AKAP7: variants seen among roughly 807,000 people sequenced by gnomAD.
The protein encoded by AKAP7 is A-kinase anchoring protein 7, also known as A kinase (PRKA) anchor protein 7.
AKAP7 carries 39 observed loss-of-function variants against 39.5 expected under a neutral mutation model. That is an observed-to-expected ratio of 0.99 (90% CI 0.76 to 1.29). The LOEUF is 1.29. Among genes scored for constraint, AKAP7 ranks in the 50% most tolerant of loss-of-function variants. The pLI, the probability that AKAP7 is intolerant of heterozygous loss-of-function variation, is 0.00. For synonymous variants in AKAP7, 140 were observed against 139.1 expected (o/e 1.01, Z -0.05); for missense variants, 414 against 407.7 (o/e 1.02, Z -0.13).
At chr6:131,257,548 G>C (rs888799214) in intron 7 of AKAP7, among the ~76,000 whole-genome samples, 1 of 152,004 alleles carries the variant, frequency 6.6e-6, no homozygotes. Flanking sequence ...CCACTTCTTG[G>C]GGTCTTGTCC....
chr6:131,221,353 G>T (rs1046276100), intron 7 of AKAP7, among the ~76,000 whole-genome samples: 2 of 152,212 alleles, frequency 1.3e-5, no homozygotes, highest in Non-Finnish European at 2.9e-5. Flanking sequence ...ACCAGCAGAG[G>T]CTGGTTCATG....
At chr6:131,241,437 C>T (rs9492877) in intron 7 of AKAP7, among the ~76,000 whole-genome samples, 1 of 151,706 alleles carries the variant, frequency 6.6e-6, no homozygotes, top group East Asian at 1.9e-4. Context: ...GTGCCCTACA[C>T]CAATTGGTGG....
rs200934202 is a variant in AKAP7 at position 131,271,386 on chromosome 6, TTTTTG to T, written c.851-10134_851-10130del. On this transcript the variant is annotated intron_variant, in intron 7 of 7. Coordinates refer to ENST00000431975, the MANE Select transcript of AKAP7 (RefSeq NM_016377.4). ...CGTGTGTGAGTCTAGTTGCGGATTT[TTTTTG>T]TTTTGTTTTATTATCTATATGTCTA... 1.4e-4 allele frequency among the ~76,000 whole-genome samples: 22 copies of T among 152,222 alleles called. No homozygotes were observed. In the East Asian group the frequency reaches 1.7e-3, roughly 12 times the overall value.
chr6:131,207,765 TA>T (rs1808272305), intron 6 of AKAP7, among the ~76,000 whole-genome samples: 1 of 151,986 alleles, frequency 6.6e-6, no homozygotes, highest in Non-Finnish European at 1.5e-5. Context: ...TTTTAAAGAA[TA>T]TTCCTTCATT....
chr6:131,129,492 T>C, the AKAP7 span, among the ~76,000 whole-genome samples: 1 of 152,172 alleles, frequency 6.6e-6, no homozygotes, highest in Non-Finnish European at 1.5e-5. Flanking sequence ...GATACAATTA[T>C]AGATAATTTT....
intron 7 of AKAP7, among the ~76,000 whole-genome samples, chr6:131,270,070 TC>T (rs1176314966): frequency 6.6e-6 from 1 of 152,168 alleles, no homozygotes; most frequent in Non-Finnish European, 1.5e-5. Context: ...AAGAAATTGT[TC>T]CCAATATGGT....
intron 7 of AKAP7, among the ~76,000 whole-genome samples, chr6:131,246,386 AT>A (rs1323195865): frequency 6.6e-6 from 1 of 152,236 alleles, no homozygotes. Flanking sequence ...AAAAGAAAGC[AT>A]GGAAAGGTTA....
intron 6 of AKAP7, among the ~76,000 whole-genome samples, chr6:131,213,414 A>G (rs1808859347): frequency 6.6e-6 from 1 of 152,232 alleles, no homozygotes; most frequent in Non-Finnish European, 1.5e-5. Context: ...TTAAGTTGTA[A>G]GTGTATGTGG....
At chr6:131,224,442 T>C (rs1452901284) in intron 7 of AKAP7, among the ~76,000 whole-genome samples, 1 of 152,182 alleles carries the variant, frequency 6.6e-6, no homozygotes, top group Non-Finnish European at 1.5e-5. Context: ...TCTTAAGATA[T>C]TATTCAGAGT....
At chr6:131,150,226 T>C (rs1029524750) in intron 2 of AKAP7, among the ~76,000 whole-genome samples, 2 of 152,188 alleles carry the variant, frequency 1.3e-5, no homozygotes, top group Admixed American at 6.5e-5. Context: ...ATAATTCTTA[T>C]TTTACCTCAC....
intron 7 of AKAP7, chr6:131,250,328 C>G (rs998937527): frequency 1.5e-6 from 2 of 1,313,226 alleles, no homozygotes; most frequent in Non-Finnish European, 2.0e-6. Flanking sequence ...CACTGAATGC[C>G]AGTCCCAGAG....
At chr6:131,235,651 G>A (rs1160389984) in intron 7 of AKAP7, among the ~76,000 whole-genome samples, 14 of 152,158 alleles carry the variant, frequency 9.2e-5, no homozygotes, top group South Asian at 6.2e-4. Flanking sequence ...GCATTTCTCT[G>A]ATGGCCAGTG....
chr6:131,269,162 A>G (rs955577272), intron 7 of AKAP7, among the ~76,000 whole-genome samples: 1 of 152,044 alleles, frequency 6.6e-6, no homozygotes. Flanking sequence ...TCCTGGGTTC[A>G]AGTGATTCTC....
intron 5 of AKAP7, chr6:131,185,389 A>T (rs1279650689): frequency 5.7e-6 from 3 of 526,940 alleles, no homozygotes; most frequent in Non-Finnish European, 1.1e-5. Flanking sequence ...TGCTGTGCTC[A>T]GCACAGAGGT....
Position 131,219,775 on chromosome 6 carries a change from G to C in AKAP7, c.817G>C (p.Gly273Arg). ...CSMLKKKQSNGYYHCESSIVI... is the reference protein window; with the variant it reads ...CSMLKKKQSNRYYHCESSIVI... ...CATGCTGAAGAAAAAACAAAGTAATGGTTATTATCACTGTGAATCTTCCAT... is the reference window on the plus strand; with the variant it reads ...CATGCTGAAGAAAAAACAAAGTAATCGTTATTATCACTGTGAATCTTCCAT... Residue 273 changes from glycine to arginine, a missense_variant, in exon 7 of 8, where the codon GGT (glycine) becomes CGT (arginine). Gly to Arg is a moderately radical substitution (Grantham distance 125). Coordinates refer to ENST00000431975, the MANE Select transcript of AKAP7 (RefSeq NM_016377.4). 6.3e-7 allele frequency: 1 copy of C among 1,586,186 alleles called. No individual in the cohort carries two copies. Among genetic ancestry groups the C allele is most frequent in the South Asian group, 1.2e-5 (1 of 85,902 alleles).
intron 7 of AKAP7, among the ~76,000 whole-genome samples, chr6:131,262,223 G>A (rs764598425): frequency 6.6e-6 from 1 of 152,162 alleles, no homozygotes; most frequent in Admixed American, 6.5e-5. Flanking sequence ...TGAACAAATA[G>A]CAAAGGGCAA....
At position 131,282,005 on chromosome 6, in the gene AKAP7, A is replaced by G; in HGVS notation, c.*279A>G. 2.6e-6 allele frequency: 3 copies of G among 1,166,912 alleles called. No individual in the cohort carries two copies. Among genetic ancestry groups the G allele is most frequent in the Non-Finnish European group, 3.2e-6 (3 of 947,778 alleles). The allele number at this position is 1,166,912 out of a possible 1,614,324, so 72.3% of individuals were successfully genotyped here. A position where few individuals can be genotyped will look rare whatever the true frequency, so the allele number is the denominator to read the frequency against. ...CACAAGGGAAAGGGAACTTTGGGTTATGCCTCCTGGACGCAAATTAAAGGC... is the reference window on the plus strand; with the variant it reads ...CACAAGGGAAAGGGAACTTTGGGTTGTGCCTCCTGGACGCAAATTAAAGGC... On this transcript the variant is annotated 3_prime_UTR_variant, in exon 8 of 8. Coordinates refer to ENST00000431975, the MANE Select transcript of AKAP7 (RefSeq NM_016377.4).
intron 5 of AKAP7, chr6:131,184,271 A>G: frequency 2.0e-6 from 1 of 500,656 alleles, no homozygotes; most frequent in Non-Finnish European, 3.9e-6. Context: ...ATGAAAAATG[A>G]AGTGGAGGAG....
At chr6:131,161,937 G>C (rs1286746486) in intron 3 of AKAP7, among the ~76,000 whole-genome samples, 1 of 152,150 alleles carries the variant, frequency 6.6e-6, no homozygotes, top group Non-Finnish European at 1.5e-5. Flanking sequence ...CATGATTTGT[G>C]ATTGGAAGAG....
Sources: allele counts gnomAD v4.1 joint callset (sites outside exome capture counted in the v4.1 genomes callset), GRCh38; gene constraint gnomAD v4.1.1; transcripts MANE v1.5; gene names NCBI Gene and HGNC (gene_info 2026-07-23, HGNC 2026-07-21).